Variants in MTBP observed in about 807,000 individuals in gnomAD.
MTBP encodes mdm2-binding protein.
A neutral mutation model predicts 117.0 loss-of-function variants in MTBP; 101 were observed. The ratio of observed to expected loss-of-function variants is 0.86; its 90% CI spans 0.73 to 1.02. The LOEUF is 1.02. Among genes scored for constraint, MTBP ranks in the 50% least tolerant of loss-of-function variants. The probability of loss-of-function intolerance (pLI) is 0.00; values close to 1 mark genes in which losing one functional copy is unlikely to be tolerated. For synonymous variants in MTBP, 350 were observed against 351.5 expected (o/e 1.00, Z 0.05); for missense variants, 970 against 1,030.9 (o/e 0.94, Z 0.81).
intron 13 of MTBP, 129 bp downstream of exon 13, chr8:120,490,699 T>C (rs1487849092): frequency 8.5e-6 from 5 of 584,928 alleles, no homozygotes; most frequent in Middle Eastern, 4.6e-4. Flanking sequence ...TATAGAACTA[T>C]TTTTGAAAGC....
rs117991283 is a variant in MTBP, at chr8:120,494,584, A to C, written c.1448-2809A>C. 4.7e-3 allele frequency among the ~76,000 whole-genome samples: 710 copies of C among 152,292 alleles called. 8 individuals carry two copies. The highest frequency in any genetic ancestry group is 0.01 in the Middle Eastern group (3 of 294). On this transcript the variant is annotated intron_variant, in intron 13 of 21. Coordinates refer to ENST00000305949, the MANE Select transcript of MTBP (RefSeq NM_022045.5). Reference sequence around the variant, plus strand: ...ATTTCTTGATTTACTAGTTTCAGGCATTATCTTAACATCTAACTATGGAAG... The same window carrying C: ...ATTTCTTGATTTACTAGTTTCAGGCCTTATCTTAACATCTAACTATGGAAG...
chr8:120,506,157 G>C (rs1462629859), intron 15 of MTBP, among the ~76,000 whole-genome samples: 1 of 152,044 alleles, frequency 6.6e-6, no homozygotes, highest in Non-Finnish European at 1.5e-5. Context: ...TGTATTTCAG[G>C]TATATAATAA....
At position 120,475,531 on chromosome 8, in the gene MTBP, GT is replaced by G. The variant is rs1021262538; in HGVS notation, c.1165+4601del. Among the ~76,000 whole-genome samples, 13 of 151,834 alleles carry G rather than the reference GT, an allele frequency of 8.6e-5. No homozygotes were observed. In the South Asian group the frequency reaches 1.0e-3, roughly 12 times the overall value. ...TGTGTATTAATTTGAACCATCTGATGTTTTTTTATATATCAAAAATTGTTAC... is the reference window on the plus strand; with the variant it reads ...TGTGTATTAATTTGAACCATCTGATGTTTTTTATATATCAAAAATTGTTAC... On this transcript the variant is annotated intron_variant, in intron 11 of 21. Coordinates refer to ENST00000305949, the MANE Select transcript of MTBP (RefSeq NM_022045.5).
chr8:120,510,633 G>A (rs1814783951), intron 17 of MTBP, among the ~76,000 whole-genome samples: 1 of 152,194 alleles, frequency 6.6e-6, no homozygotes. Flanking sequence ...CAGACACGGT[G>A]GCTAACGCCT....
Position 120,509,934 on chromosome 8 carries a change from G to T in MTBP, c.1884G>T (p.Gly628=), listed in dbSNP as rs761359168. 43 of 1,602,782 alleles carry T rather than the reference G, an allele frequency of 2.7e-5. No individual in the cohort carries two copies. Among genetic ancestry groups the T allele is most frequent in the Admixed American group, 8.6e-5 (5 of 58,062 alleles). Residue 628 remains glycine, a splice_region_variant and synonymous_variant, in exon 17 of 22, where the codon GGG becomes GGT. Coordinates refer to ENST00000305949, the MANE Select transcript of MTBP (RefSeq NM_022045.5). ...GDLQPLPIQK[G]EKTFVLTPEL... ...ACAAATGAAAAATTTTTTGTTTCAG[G>T]GAAAAGACTTTTGTTTTGACACCAG... is the stretch of plus-strand genomic sequence containing the variant.
chr8:120,506,980 A>T (rs1036803059), intron 16 of MTBP, 119 bp downstream of exon 16: 8 of 828,588 alleles, frequency 9.7e-6, no homozygotes, highest in Non-Finnish European at 1.4e-5. Context: ...TATAAGTTTG[A>T]TCCCAATGTT....
chr8:120,483,843 C>G (rs916546981), intron 11 of MTBP, among the ~76,000 whole-genome samples: 1 of 151,974 alleles, frequency 6.6e-6, no homozygotes, highest in African/African-American at 2.4e-5. Flanking sequence ...TGAAAATAGA[C>G]AGACTTTTTT....
chr8:120,447,115 T>C (rs10088602), intron 2 of MTBP, among the ~76,000 whole-genome samples: 9,170 of 152,236 alleles, frequency 0.06, 564 homozygotes, highest in African/African-American at 0.16. Flanking sequence ...TCTTGTCCTT[T>C]ACTGGAGAAT....
At position 120,470,956 on chromosome 8, in the gene MTBP, G is replaced by A. The variant is rs13248998; in HGVS notation, c.1165+19G>A. On this transcript the variant is annotated intron_variant, in intron 11 of 21. Transcript: ENST00000305949. ...ATCAGTGGTAAGTATTACATGTTTC[G>A]GTTGTTTTAATGATGCAGCATAGTT... 952,966 of 1,482,412 alleles carry A rather than the reference G, an allele frequency of 0.64. 312,908 individuals carry two copies. The highest frequency in any genetic ancestry group is 0.68 in the Non-Finnish European group (720,762 of 1,065,128). The allele number at this position is 1,482,412 out of a possible 1,614,324, so 91.8% of individuals were successfully genotyped here.
chr8:120,483,006 TC>T (rs1305915619), intron 11 of MTBP, among the ~76,000 whole-genome samples: 2 of 143,348 alleles, frequency 1.4e-5, no homozygotes, highest in African/African-American at 5.1e-5. Context: ...GACAGTACTA[TC>T]TTTTTTTTTT....
In MTBP at chr8:120,468,868, C is replaced by T. The variant is rs544114583; in HGVS notation, c.1048-1952C>T. Reference sequence around the variant, plus strand: ...GGCTTTGGGAAGTGCTTTGGAGCTTCTTTTCGGTCCAACCACCAGGCTAGT... The same window carrying T: ...GGCTTTGGGAAGTGCTTTGGAGCTTTTTTTCGGTCCAACCACCAGGCTAGT... On this transcript the variant is annotated intron_variant, in intron 10 of 21. Coordinates refer to ENST00000305949, the MANE Select transcript of MTBP (RefSeq NM_022045.5). 9.2e-5 allele frequency among the ~76,000 whole-genome samples: 14 copies of T among 152,154 alleles called. 1 individual carries two copies. In the South Asian group the frequency reaches 2.9e-3, roughly 32 times the overall value.
chr8:120,518,702 A>T lies in MTBP; in HGVS notation c.2497-2A>T. The T allele has an allele frequency of 6.3e-7, 1 of 1,588,928 alleles. No individual in the cohort carries two copies. Among genetic ancestry groups the T allele is most frequent in the Non-Finnish European group, 8.6e-7 (1 of 1,160,272 alleles). ...TTCGTCATATGTTATGTTCTGTTCA[A>T]GATACTGAAAGAAGTAGTTACTGAA... On this transcript the variant is annotated splice_acceptor_variant, in intron 19 of 21. Coordinates refer to ENST00000305949, the MANE Select transcript of MTBP (RefSeq NM_022045.5). LOFTEE classifies it high-confidence loss of function.
rs1814912552 is a variant in MTBP at position 120,516,061 on chromosome 8, C to G, written c.2116C>G (p.Pro706Ala). The change falls in exon 18 of 22, where the codon CCA (proline) becomes GCA (alanine). Residue 706 changes from proline (P) to alanine (A), a missense_variant. Physicochemically the swap from Pro to Ala is conservative, Grantham distance 27 (BLOSUM62 -1). Transcript: ENST00000305949. ...AGTACCTACTGTGTTGAGCCCTCTT[C>G]CATCTCCTGTAGTTTCGTCAGATCC... is the stretch of plus-strand genomic sequence containing the variant. The part of the protein sequence containing the change: ...FPVPTVLSPL[P>A]SPVVSSDPGS... 6.2e-7 allele frequency: 1 copy of G among 1,613,084 alleles called. No individual in the cohort carries two copies. Among genetic ancestry groups the G allele is most frequent in the South Asian group, 1.1e-5 (1 of 91,052 alleles).
chr8:120,482,682 C>T lies in MTBP; in HGVS notation c.1166-5477C>T, dbSNP rs532527926. On this transcript the variant is annotated intron_variant, in intron 11 of 21. Coordinates refer to ENST00000305949, the MANE Select transcript of MTBP (RefSeq NM_022045.5). Reference sequence around the variant, plus strand: ...TGAGTTATACACCTATTCAACAGTACTATTCTTCTTTTTTTTTTTCTTTCT... The same window carrying T: ...TGAGTTATACACCTATTCAACAGTATTATTCTTCTTTTTTTTTTTCTTTCT... Among the ~76,000 whole-genome samples, 15 of 151,554 alleles carry T rather than the reference C, an allele frequency of 9.9e-5. No homozygotes were observed. In the South Asian group the frequency reaches 1.9e-3, roughly 19 times the overall value.
At chr8:120,500,406 T>G (rs1209149017) in intron 14 of MTBP, among the ~76,000 whole-genome samples, 2 of 152,222 alleles carry the variant, frequency 1.3e-5, no homozygotes, top group Non-Finnish European at 2.9e-5. Flanking sequence ...TATATTATAT[T>G]GTAATATTTA....
chr8:120,496,143 C>A (rs1450852995), intron 13 of MTBP, among the ~76,000 whole-genome samples: 1 of 152,154 alleles, frequency 6.6e-6, no homozygotes, highest in Non-Finnish European at 1.5e-5. Context: ...TAGGCAACTG[C>A]AGACCAACCC....
At chr8:120,500,380 T>G (rs904066341) in intron 14 of MTBP, among the ~76,000 whole-genome samples, 3 of 152,238 alleles carry the variant, frequency 2.0e-5, no homozygotes, top group African/African-American at 7.2e-5. Context: ...GCCTATGTAA[T>G]TTATTTTTTA....
chr8:120,466,081 A>G (rs1813683598), intron 10 of MTBP, among the ~76,000 whole-genome samples: 1 of 152,172 alleles, frequency 6.6e-6, no homozygotes, highest in Non-Finnish European at 1.5e-5. Context: ...GAGACTTTAT[A>G]ACTATGTTCC....
chr8:120,501,074 C>G (rs537286543), intron 14 of MTBP, among the ~76,000 whole-genome samples: 1 of 151,842 alleles, frequency 6.6e-6, no homozygotes, highest in East Asian at 1.9e-4. Flanking sequence ...GCCTGTAGTC[C>G]CAGCTACTCT....
Sources: allele counts gnomAD v4.1 joint callset (sites outside exome capture counted in the v4.1 genomes callset), GRCh38; gene constraint gnomAD v4.1.1; transcripts MANE v1.5; gene names NCBI Gene and HGNC (gene_info 2026-07-23, HGNC 2026-07-21).